XPO1: variants seen among roughly 807,000 people sequenced by gnomAD.
XPO1 encodes exportin-1.
In XPO1, 5 loss-of-function variants were observed where a neutral mutation model predicts 133.3. That is an observed-to-expected ratio of 0.04 (90% CI 0.02 to 0.08). The LOEUF (loss-of-function observed/expected upper bound fraction) is 0.08, where lower values mean the gene tolerates loss of function less well. XPO1 is among the 10% of genes least tolerant of loss of function. XPO1 has a pLI of 1.00. For missense variants in XPO1, 506 were observed against 1,267.5 expected (o/e 0.40, Z 9.12); for synonymous variants, 419 against 408.2 (o/e 1.03, Z -0.32).
Position 61,499,687 on chromosome 2 carries a change from A to G in XPO1, c.590+26T>C. On this transcript the variant is annotated intron_variant, in intron 7 of 24. Transcript: ENST00000401558. ...GAAATTGTTTGAGAAATCACTTTAA[A>G]ATTCTAAAACATAATTATTACTTGC... is the stretch of plus-strand genomic sequence containing the variant. 1.9e-6 allele frequency: 3 copies of G among 1,546,534 alleles called. 1 individual carries two copies. In the South Asian group the frequency reaches 3.7e-5, roughly 19 times the overall value.
At chr2:61,516,393 C>A (rs181431197) in intron 4 of XPO1, among the ~76,000 whole-genome samples, 1 of 151,478 alleles carries the variant, frequency 6.6e-6, no homozygotes, top group Admixed American at 6.6e-5. Context: ...AAATTCGCTT[C>A]TTCTCTATTC....
chr2:61,510,107 T>C (rs1238690922), intron 4 of XPO1, among the ~76,000 whole-genome samples: 1 of 151,976 alleles, frequency 6.6e-6, no homozygotes, highest in African/African-American at 2.4e-5. Flanking sequence ...TGGTGAAACC[T>C]GTCTATTAAA....
intron 12 of XPO1, 48 bp from the exon 13 acceptor site, chr2:61,493,101 A>T (rs1201841188): frequency 3.3e-6 from 5 of 1,517,848 alleles, no homozygotes; most frequent in Non-Finnish European, 8.7e-7. Flanking sequence ...TAGATCACTG[A>T]AATCATTAGT....
chr2:61,533,672 G>A (rs1699253019), intron 2 of XPO1, 100 bp downstream of exon 2: 1 of 1,275,382 alleles, frequency 7.8e-7, no homozygotes, highest in Non-Finnish European at 1.0e-6. Flanking sequence ...TGCAAACTAT[G>A]GAATATCTTT....
chr2:61,482,057 T>TTC (rs1696399469), intron 23 of XPO1, among the ~76,000 whole-genome samples: 1 of 71,674 alleles, frequency 1.4e-5, no homozygotes. Context: ...TTTTTTTTTT[T>TTC]GCTTTTTTAA....
chr2:61,480,011 C>T (rs986305112), intron 24 of XPO1, among the ~76,000 whole-genome samples: 5 of 152,066 alleles, frequency 3.3e-5, no homozygotes, highest in Non-Finnish European at 2.9e-5. Context: ...ACTACAGGCA[C>T]CTGCCACCAG....
At position 61,507,243 on chromosome 2, in the gene XPO1, C is replaced by CAAAA. The variant is rs55737388; in HGVS notation, c.302-4937_302-4934dup. On this transcript the variant is annotated intron_variant, in intron 4 of 24. Transcript: ENST00000401558. ...TGGGTGACAGCGGGAGACTCCATCT[C>CAAAA]AAAAAAAAAAAAAAAAGAGTGAAGA... Among the ~76,000 whole-genome samples, 22 of 65,508 alleles carry CAAAA rather than the reference C, an allele frequency of 3.4e-4. 1 individual carries two copies. The highest frequency in any genetic ancestry group is 1.4e-3 in the African/African-American group (22 of 15,464). 43.0% of individuals were successfully genotyped at this position (65,508 alleles called of 152,430 possible). A position where few individuals can be genotyped will look rare whatever the true frequency, so the allele number is the denominator to read the frequency against.
chr2:61,493,241 G>C (rs928301341), intron 12 of XPO1, 188 bp from the exon 13 acceptor site: 1 of 468,734 alleles, frequency 2.1e-6, no homozygotes, highest in African/African-American at 2.0e-5. Context: ...AGGAATTTGA[G>C]AGCAGCTTGA....
intron 4 of XPO1, among the ~76,000 whole-genome samples, chr2:61,520,837 TA>T (rs1340096765): frequency 6.6e-6 from 1 of 152,114 alleles, no homozygotes. Flanking sequence ...TATACAACAG[TA>T]AAATGGGACA....
At chr2:61,496,089 C>G (rs996931694) in intron 10 of XPO1, among the ~76,000 whole-genome samples, 1 of 152,142 alleles carries the variant, frequency 6.6e-6, no homozygotes, top group Admixed American at 6.6e-5. Context: ...TTTGACTCTT[C>G]TCAAATAAAT....
chr2:61,485,429 C>T (rs927123309), intron 20 of XPO1: 21 of 173,908 alleles, frequency 1.2e-4, no homozygotes, highest in Admixed American at 7.0e-4. Context: ...AGTGCAGTGG[C>T]GCAATCTCAG....
intron 16 of XPO1, 56 bp from the exon 17 acceptor site, chr2:61,490,832 C>G: frequency 6.3e-7 from 1 of 1,580,236 alleles, no homozygotes; most frequent in South Asian, 1.1e-5. Context: ...ATAAGGAAAA[C>G]CACACACAAG....
chr2:61,480,796 T>TA (rs777459106), intron 24 of XPO1, among the ~76,000 whole-genome samples: 1 of 152,108 alleles, frequency 6.6e-6, no homozygotes, highest in Non-Finnish European at 1.5e-5. Context: ...AAAGTATGAA[T>TA]AAAGCACTGT....
intron 4 of XPO1, among the ~76,000 whole-genome samples, chr2:61,503,499 A>C (rs1697644951): frequency 6.6e-6 from 1 of 151,350 alleles, no homozygotes; most frequent in African/African-American, 2.4e-5. Flanking sequence ...ATCTCGCCTC[A>C]CTGCAAGCTC....
chr2:61,483,932 T>C lies in XPO1; in HGVS notation c.2677+5A>G. On this transcript the variant is annotated splice_donor_5th_base_variant and intron_variant, in intron 21 of 24. Coordinates refer to ENST00000401558, the MANE Select transcript of XPO1 (RefSeq NM_003400.4). The stretch of plus-strand genomic sequence containing the variant: ...CAAATGAATAAAAGAACATCTTTTA[T>C]TTACCCGTATCTGCGACATTCCTCA... 1 of 1,609,658 alleles carries C rather than the reference T, an allele frequency of 6.2e-7. No individual in the cohort carries two copies. The highest frequency in any genetic ancestry group is 1.7e-5 in the Admixed American group (1 of 58,728).
At chr2:61,502,472 C>G in intron 4 of XPO1, 162 bp from the exon 5 acceptor site, 1 of 648,504 alleles carries the variant, frequency 1.5e-6, no homozygotes, top group Non-Finnish European at 2.5e-6. Flanking sequence ...AATTCCGGCC[C>G]GGTGCGGTGG....
intron 18 of XPO1, 66 bp from the exon 19 acceptor site, chr2:61,488,337 C>CATT: frequency 7.1e-7 from 1 of 1,417,974 alleles, no homozygotes; most frequent in Admixed American, 2.0e-5. Flanking sequence ...CTCAGGTGTA[C>CATT]ATTAGATGCA....
In XPO1 at chr2:61,498,914, C is replaced by CT. The variant is rs1191674363; in HGVS notation, c.591-2dup. On this transcript the variant is annotated splice_acceptor_variant, in intron 7 of 24. Transcript: ENST00000401558. LOFTEE classifies it high-confidence loss of function. ...TATCTGTGAGAATTCATTGCACATG[C>CT]TAAAAAAAAAAACACACAAAAATAT... 1 of 1,577,592 alleles carries CT rather than the reference C, an allele frequency of 6.3e-7. No individual in the cohort carries two copies. The highest frequency in any genetic ancestry group is 1.4e-5 in the African/African-American group (1 of 72,704).
rs1479058498 is a variant in XPO1, at chr2:61,495,472, T to G, written c.1030A>C (p.Arg344=). 2 of 1,561,878 alleles carry G rather than the reference T, an allele frequency of 1.3e-6. No individual in the cohort carries two copies. The highest frequency in any genetic ancestry group is 2.3e-5 in the East Asian group (1 of 43,628). The change falls in exon 11 of 25, where the codon AGG becomes CGG. Residue 344 remains arginine, a synonymous_variant. Coordinates refer to ENST00000401558, the MANE Select transcript of XPO1 (RefSeq NM_003400.4). ...DQLIEKRLNL[R]ETLMEALHYM... is the part of the protein sequence containing the mutation. ...TATCTTACCTCCATAAGAGTTTCCC[T>G]GAGATTTAATCTTTTTTCTATAAGT...
Sources: allele counts gnomAD v4.1 joint callset (sites outside exome capture counted in the v4.1 genomes callset), GRCh38; gene constraint gnomAD v4.1.1; transcripts MANE v1.5; gene names NCBI Gene and HGNC (gene_info 2026-07-23, HGNC 2026-07-21).